TTC28: variants seen among roughly 807,000 people sequenced by gnomAD.
TTC28 encodes the protein tetratricopeptide repeat domain 28.
Under a neutral mutation model 198.0 loss-of-function variants are expected in TTC28, and 61 were observed. The observed-to-expected ratio is 0.31, with a 90% confidence interval of 0.25 to 0.38. TTC28 has a LOEUF of 0.38. TTC28 is among the 10% of genes least tolerant of loss of function. TTC28 has a pLI of 1.00. For missense variants in TTC28, 2,678 were observed against 3,164.0 expected (o/e 0.85, Z 3.69); for synonymous variants, 1,171 against 1,297.8 (o/e 0.90, Z 2.10).
chr22:28,131,032 C>T (rs1224594871), intron 6 of TTC28, among the ~76,000 whole-genome samples: 1 of 152,136 alleles, frequency 6.6e-6, no homozygotes, highest in East Asian at 1.9e-4. Context: ...TTCTGACTAA[C>T]AATGGCAATA....
chr22:28,676,342 A>C (rs113319240), intron 1 of TTC28, among the ~76,000 whole-genome samples: 3,012 of 152,288 alleles, frequency 0.02, 31 homozygotes, highest in Non-Finnish European at 0.027. Context: ...AGTTATTGCC[A>C]GGGACTAGGG....
intron 1 of TTC28, among the ~76,000 whole-genome samples, chr22:28,645,693 T>C (rs2051452640): frequency 1.3e-5 from 2 of 150,144 alleles, no homozygotes; most frequent in African/African-American, 4.9e-5. Context: ...GCTGGGATGG[T>C]TCAACATGTG....
At chr22:27,984,463 C>G (rs1937141356) in intron 22 of TTC28, among the ~76,000 whole-genome samples, 1 of 152,102 alleles carries the variant, frequency 6.6e-6, no homozygotes, top group African/African-American at 2.4e-5. Context: ...CCACAGGCCC[C>G]TCCTCATCCT....
At chr22:28,586,518 T>C (rs944646738) in intron 2 of TTC28, among the ~76,000 whole-genome samples, 1 of 152,102 alleles carries the variant, frequency 6.6e-6, no homozygotes, top group African/African-American at 2.4e-5. Flanking sequence ...TACATATTTA[T>C]AGTATAAGGG....
At chr22:28,199,383 TTATATATATATATATATATATA>T (rs34398046) in intron 5 of TTC28, among the ~76,000 whole-genome samples, 15 of 118,500 alleles carry the variant, frequency 1.3e-4, no homozygotes, top group South Asian at 5.7e-4. Context: ...ACATTAAAAA[TTATATATATATATATATATATA>T]TATATATATA....
chr22:28,191,080 G>A (rs1026136949), intron 5 of TTC28, among the ~76,000 whole-genome samples: 3 of 152,016 alleles, frequency 2.0e-5, no homozygotes, highest in Non-Finnish European at 4.4e-5. Flanking sequence ...TCCCTCCTCA[G>A]AACCTAGACC....
In TTC28 at chr22:28,534,274, A is replaced by G. The variant is rs560433918; in HGVS notation, c.381+95278T>C. ...GAAGGATATGAACAGACACTTCTCA[A>G]AAGAAGACATTTATGCAGCCAAAAG... On this transcript the variant is annotated intron_variant, in intron 2 of 22. Transcript: ENST00000397906. 1.9e-3 allele frequency among the ~76,000 whole-genome samples: 295 copies of G among 152,326 alleles called. 1 individual carries two copies. The highest frequency in any genetic ancestry group is 6.8e-3 in the Middle Eastern group (2 of 294).
At chr22:28,051,253 G>A (rs1270288289) in intron 12 of TTC28, among the ~76,000 whole-genome samples, 2 of 152,168 alleles carry the variant, frequency 1.3e-5, no homozygotes, top group Non-Finnish European at 2.9e-5. Context: ...CAGGAATCAC[G>A]GAAAGCCTTT....
At chr22:28,635,382 A>G (rs1215934051) in intron 1 of TTC28, among the ~76,000 whole-genome samples, 1 of 152,160 alleles carries the variant, frequency 6.6e-6, no homozygotes, top group Non-Finnish European at 1.5e-5. Flanking sequence ...AATGAAAAAT[A>G]AAATGTTTAA....
intron 12 of TTC28, among the ~76,000 whole-genome samples, chr22:28,049,822 T>C (rs1940016112): frequency 6.6e-6 from 1 of 151,996 alleles, no homozygotes; most frequent in South Asian, 2.1e-4. Flanking sequence ...TATGGGTGTA[T>C]GTTCGTGAAG....
chr22:28,365,621 G>A (rs1371944125), intron 2 of TTC28, among the ~76,000 whole-genome samples: 2 of 152,178 alleles, frequency 1.3e-5, no homozygotes, highest in Non-Finnish European at 2.9e-5. Context: ...GCAAATGCTG[G>A]AAGAACAGAA....
chr22:28,107,080 C>T lies in TTC28; in HGVS notation c.2765G>A (p.Gly922Asp), dbSNP rs1601626362. 1.3e-6 allele frequency: 2 copies of T among 1,548,612 alleles called. No individual in the cohort carries two copies. The highest frequency in any genetic ancestry group is 1.7e-6 in the Non-Finnish European group (2 of 1,144,572). ...TTTTTACCTGTGTCCATTTCCCAGG[C>T]CCCGGTAAGCCTTGGCTTGGTCTTG... is the stretch of plus-strand genomic sequence containing the variant. ...RMQDQAKAYR[G>D]LGNGHRAMGS... The change falls in exon 7 of 23, where the codon GGC becomes GAC. Residue 922 changes from glycine (G) to aspartate (D), a missense_variant. Physicochemically the swap from Gly to Asp is moderately conservative, Grantham distance 94. Coordinates refer to ENST00000397906, the MANE Select transcript of TTC28 (RefSeq NM_001145418.2).
At chr22:28,402,716 C>T (rs907737391) in intron 2 of TTC28, among the ~76,000 whole-genome samples, 4 of 152,228 alleles carry the variant, frequency 2.6e-5, no homozygotes, top group East Asian at 1.9e-4. Context: ...CAGTTTCTTC[C>T]GCTCTCAAAC....
chr22:28,511,811 C>T (rs1191176738), intron 2 of TTC28, among the ~76,000 whole-genome samples: 1 of 151,172 alleles, frequency 6.6e-6, no homozygotes, highest in Non-Finnish European at 1.5e-5. Flanking sequence ...TAGTGAGACT[C>T]CGTCTCAGAA....
chr22:28,132,219 T>A (rs751850426), intron 6 of TTC28, among the ~76,000 whole-genome samples: 1 of 152,216 alleles, frequency 6.6e-6, no homozygotes, highest in Non-Finnish European at 1.5e-5. Flanking sequence ...GAAGGTGTCC[T>A]GTTGGAGGCC....
chr22:28,536,910 T>C (rs2049292059), intron 2 of TTC28, among the ~76,000 whole-genome samples: 1 of 151,652 alleles, frequency 6.6e-6, no homozygotes, highest in African/African-American at 2.4e-5. Flanking sequence ...TAGTTACATA[T>C]TGTAACTATA....
chr22:28,227,638 G>A (rs1240232021), intron 5 of TTC28, among the ~76,000 whole-genome samples: 1 of 151,848 alleles, frequency 6.6e-6, no homozygotes, highest in African/African-American at 2.4e-5. Context: ...CTAGTCATTA[G>A]GAAAATGCAA....
Position 28,163,142 on chromosome 22 carries a change from G to A in TTC28, c.1391C>T (p.Ala464Val). 6.4e-7 allele frequency: 1 copy of A among 1,551,712 alleles called. No homozygotes were observed. The highest frequency in any genetic ancestry group is 8.7e-7 in the Non-Finnish European group (1 of 1,146,986). The change falls in exon 6 of 23, where the codon GCT (alanine) becomes GTT (valine). Residue 464 changes from alanine to valine, a missense_variant. This residue lies in a region of TTC28 where 775 missense variants were observed against 845.9 expected (regional missense o/e 0.92). Coordinates refer to ENST00000397906, the MANE Select transcript of TTC28 (RefSeq NM_001145418.2). ...KQYHEQQLGI[A>V]EDLKDRAAEG... ...TGCAGCCCGGTCCTTGAGATCCTCA[G>A]CAATGCCCAGCTGCTGCTCATGGTA... is the stretch of plus-strand genomic sequence containing the variant.
At chr22:28,339,031 C>G (rs1245238022) in intron 2 of TTC28, among the ~76,000 whole-genome samples, 1 of 152,092 alleles carries the variant, frequency 6.6e-6, no homozygotes, top group Non-Finnish European at 1.5e-5. Flanking sequence ...TTTGATGATG[C>G]TGATGTACAG....
Sources: gnomAD v4.1 joint callset for allele counts (sites outside exome capture counted in the v4.1 genomes callset) on GRCh38, gnomAD v4.1.1 for gene constraint, gnomAD v4.1.1 regional missense constraint, MANE v1.5 for transcripts, NCBI Gene and HGNC (gene_info 2026-07-23, HGNC 2026-07-21) for gene names.